The following BRINP3 variants were observed in gnomAD, a reference collection of about 807,000 sequenced individuals.
BRINP3 encodes BMP/retinoic acid-inducible neural-specific protein 3.
Under a neutral mutation model 71.0 loss-of-function variants are expected in BRINP3, and 19 were observed. That is an observed-to-expected ratio of 0.27 (90% CI 0.19 to 0.39). The LOEUF (loss-of-function observed/expected upper bound fraction) is 0.39. Among genes scored for constraint, BRINP3 ranks in the 10% least tolerant of loss-of-function variants. The probability of loss-of-function intolerance (pLI) is 1.00; values close to 1 mark genes in which losing one functional copy is unlikely to be tolerated. For synonymous variants in BRINP3, 380 were observed against 337.7 expected (o/e 1.13, Z -1.37); for missense variants, 959 against 940.8 (o/e 1.02, Z -0.25).
intron 6 of BRINP3, among the ~76,000 whole-genome samples, chr1:190,206,444 A>G (rs1007590176): frequency 2.0e-5 from 3 of 152,072 alleles, no homozygotes; most frequent in African/African-American, 7.2e-5. Context: ...ATAAATTTCA[A>G]GACATTTTTA....
intron 6 of BRINP3, among the ~76,000 whole-genome samples, chr1:190,213,287 C>T (rs565586826): frequency 6.6e-6 from 1 of 152,166 alleles, no homozygotes; most frequent in East Asian, 1.9e-4. Context: ...AGCCCCCATC[C>T]TGTAGTGAGA....
intron 6 of BRINP3, among the ~76,000 whole-genome samples, chr1:190,175,250 A>T (rs1186743400): frequency 1.3e-5 from 2 of 152,188 alleles, no homozygotes; most frequent in Non-Finnish European, 2.9e-5. Context: ...TATCAGAGGG[A>T]TTGATCTAGA....
chr1:190,357,899 A>G (rs549255624), intron 2 of BRINP3, among the ~76,000 whole-genome samples: 41 of 152,166 alleles, frequency 2.7e-4, no homozygotes, highest in African/African-American at 9.4e-4. Flanking sequence ...GACAAAAACA[A>G]GAAATGGGGA....
At chr1:190,152,867 T>C (rs959168079) in intron 7 of BRINP3, among the ~76,000 whole-genome samples, 11 of 152,058 alleles carry the variant, frequency 7.2e-5, no homozygotes, top group Non-Finnish European at 1.3e-4. Flanking sequence ...ACCAATAATT[T>C]TTATACATAC....
chr1:190,165,464 G>T (rs867650859), intron 6 of BRINP3, among the ~76,000 whole-genome samples: 14,687 of 57,938 alleles, frequency 0.25, 1,675 homozygotes, highest in African/African-American at 0.3. Context: ...TTTTTTTTGT[G>T]TGTGTGTGTG....
Position 190,392,250 on chromosome 1 carries a change from T to C in BRINP3, c.236+62405A>G, listed in dbSNP as rs570162857. Among the ~76,000 whole-genome samples, 13 of 151,810 alleles carry C rather than the reference T, an allele frequency of 8.6e-5. 1 individual carries two copies. Among genetic ancestry groups the C allele is most frequent in the Admixed American group, 7.3e-4 (11 of 15,168 alleles). On this transcript the variant is annotated intron_variant, in intron 2 of 7. Transcript: ENST00000367462. ...TTATAAATAATGTCAAACTGGACGG[T>C]TGTTGCCTTAATAATGTCAATAATA...
chr1:190,173,455 A>G (rs1652207280), intron 6 of BRINP3, among the ~76,000 whole-genome samples: 1 of 152,218 alleles, frequency 6.6e-6, no homozygotes, highest in Admixed American at 6.5e-5. Flanking sequence ...GAAAAAGTCA[A>G]GAGAAAGGGA....
intron 5 of BRINP3, among the ~76,000 whole-genome samples, chr1:190,230,211 CAG>C (rs749988666): frequency 1.3e-5 from 2 of 151,256 alleles, no homozygotes; most frequent in Non-Finnish European, 2.9e-5. Flanking sequence ...AAATATAACA[CAG>C]AATGAGAGGA....
intron 2 of BRINP3, among the ~76,000 whole-genome samples, chr1:190,379,875 T>C (rs1670428910): frequency 6.6e-6 from 1 of 151,534 alleles, no homozygotes; most frequent in Admixed American, 6.6e-5. Flanking sequence ...GGTGTGCACC[T>C]GTAATTCCAG....
intron 6 of BRINP3, among the ~76,000 whole-genome samples, chr1:190,219,753 G>A (rs1370260883): frequency 1.3e-5 from 2 of 151,820 alleles, no homozygotes; most frequent in South Asian, 2.1e-4. Flanking sequence ...CAGGAGAATC[G>A]CTTGAACCTG....
intron 2 of BRINP3, among the ~76,000 whole-genome samples, chr1:190,386,204 C>A (rs1349800236): frequency 6.8e-6 from 1 of 146,032 alleles, no homozygotes; most frequent in African/African-American, 2.5e-5. Flanking sequence ...ACAATGTGCA[C>A]ATGTACCCTA....
chr1:190,477,163 C>T (rs776933126), intron 1 of BRINP3, among the ~76,000 whole-genome samples: 2 of 151,410 alleles, frequency 1.3e-5, no homozygotes, highest in Non-Finnish European at 2.9e-5. Context: ...GGGGTGGGGG[C>T]GATTAATGTC....
chr1:190,143,792 GGT>G (rs1406607117), intron 7 of BRINP3, among the ~76,000 whole-genome samples: 2 of 152,076 alleles, frequency 1.3e-5, no homozygotes, highest in East Asian at 3.9e-4. Context: ...AATTCAAGGT[GGT>G]GGCCAGGTAA....
rs1468826462 is a variant in BRINP3 at position 190,454,885 on chromosome 1, T to C, written c.6A>G (p.Ile2Met). M[I>M]WRSRAGAELF... is the part of the protein sequence containing the mutation. ...ATTCAGCACCAGCTCTGCTTCGCCA[T>C]ATCATGCTTCCACTGGGGATTTAGA... Residue 2 changes from isoleucine (I) to methionine (M), a missense_variant, in exon 2 of 8, where the codon ATA becomes ATG. Transcript: ENST00000367462. 1 of 1,613,472 alleles carries C rather than the reference T, an allele frequency of 6.2e-7. No individual in the cohort carries two copies.
chr1:190,263,800 A>T (rs1225600509), intron 4 of BRINP3, among the ~76,000 whole-genome samples: 1 of 151,770 alleles, frequency 6.6e-6, no homozygotes, highest in Non-Finnish European at 1.5e-5. Context: ...GTTAGCCAGC[A>T]TGGTCTCGAT....
Position 190,281,447 on chromosome 1 carries a change from G to T in BRINP3, c.427+113C>A, listed in dbSNP as rs190207103. On this transcript the variant is annotated intron_variant, in intron 3 of 7. Coordinates refer to ENST00000367462, the MANE Select transcript of BRINP3 (RefSeq NM_199051.3). Reference sequence around the variant, plus strand: ...AAATGTGTTGGGTAAATGAATGAATGAGTTCTATAACTATTCATACTGTAG... The same window carrying T: ...AAATGTGTTGGGTAAATGAATGAATTAGTTCTATAACTATTCATACTGTAG... 242 of 959,550 alleles carry T rather than the reference G, an allele frequency of 2.5e-4. No homozygotes were observed. In the African/African-American group the frequency reaches 2.9e-3, roughly 12 times the overall value. 59.4% of individuals were successfully genotyped at this position (959,550 alleles called of 1,614,324 possible). A position where few individuals can be genotyped will look rare whatever the true frequency, so the allele number is the denominator to read the frequency against.
chr1:190,476,528 T>C (rs1179431801), intron 1 of BRINP3, among the ~76,000 whole-genome samples: 1 of 152,132 alleles, frequency 6.6e-6, no homozygotes, highest in African/African-American at 2.4e-5. Flanking sequence ...GAGGTGATAA[T>C]CTTGTCAGTT....
chr1:190,206,267 T>A (rs889426365), intron 6 of BRINP3, among the ~76,000 whole-genome samples: 2 of 152,018 alleles, frequency 1.3e-5, no homozygotes, highest in African/African-American at 4.8e-5. Flanking sequence ...CTCTTGAGAT[T>A]CCAAGGAAAT....
chr1:190,449,394 A>T (rs2102602543), intron 2 of BRINP3, among the ~76,000 whole-genome samples: 1 of 152,092 alleles, frequency 6.6e-6, no homozygotes, highest in East Asian at 1.9e-4. Context: ...AGGGAAAGGG[A>T]TCATGAAGAG....
Sources: gnomAD v4.1 joint callset for allele counts (sites outside exome capture counted in the v4.1 genomes callset) on GRCh38, gnomAD v4.1.1 for gene constraint, MANE v1.5 for transcripts, NCBI Gene and HGNC (gene_info 2026-07-23, HGNC 2026-07-21) for gene names.